Variants in ANK3 observed in about 807,000 individuals in gnomAD.
The protein encoded by ANK3 is ankyrin 3, also known as ankyrin-3.
Under a neutral mutation model 370.9 loss-of-function variants are expected in ANK3, and 57 were observed. That is an observed-to-expected ratio of 0.15 (90% CI 0.12 to 0.19). ANK3 has a LOEUF of 0.19. ANK3 is among the 10% of genes least tolerant of loss of function. ANK3 has a pLI of 1.00. For synonymous variants in ANK3, 1,929 were observed against 1,946.3 expected, an observed-to-expected ratio of 0.99 and a Z score of 0.23; for missense variants, 4,439 against 5,302.1, an observed-to-expected ratio of 0.84 and a Z score of 5.06.
At chr10:60,516,564 C>G (rs1014325434) in intron 2 of ANK3, among the ~76,000 whole-genome samples, 1 of 152,038 alleles carries the variant, frequency 6.6e-6, no homozygotes, top group African/African-American at 2.4e-5. Flanking sequence ...AATAATGAGG[C>G]TGCTGTTTTG....
intron 7 of ANK3, among the ~76,000 whole-genome samples, 187 bp from the exon 8 acceptor site, chr10:60,234,973 G>A (rs1379501892): frequency 6.6e-6 from 1 of 152,180 alleles, no homozygotes; most frequent in Non-Finnish European, 1.5e-5. Flanking sequence ...GGAATGAATT[G>A]TAAGGGAATC....
At chr10:60,661,558 A>G (rs1419813458) in intron 1 of ANK3, among the ~76,000 whole-genome samples, 1 of 152,146 alleles carries the variant, frequency 6.6e-6, no homozygotes, top group Non-Finnish European at 1.5e-5. Context: ...TATGGATAGC[A>G]ATTGACTCCA....
intron 2 of ANK3, among the ~76,000 whole-genome samples, chr10:60,593,320 G>T (rs377588312): frequency 6.6e-6 from 1 of 152,064 alleles, no homozygotes; most frequent in African/African-American, 2.4e-5. Context: ...GGGAAGTAAA[G>T]AAATTTGTTT....
In ANK3 at chr10:60,508,050, T is replaced by C. The variant is rs551691732; in HGVS notation, c.96+107136A>G. ...AGAAGTCTAATAATACTGTAGTCTT[T>C]AGGCAACTATTAATTTAGAATGTTT... On this transcript the variant is annotated intron_variant, in intron 2 of 43. Transcript: ENST00000373827. The C allele has an allele frequency of 1.2e-3, 184 of 152,320 alleles. 2 individuals carry two copies. Among genetic ancestry groups the C allele is most frequent in the African/African-American group, 4.2e-3 (176 of 41,588 alleles). 9.4% of individuals were successfully genotyped at this position (152,320 alleles called of 1,614,324 possible).
intron 2 of ANK3, among the ~76,000 whole-genome samples, chr10:60,425,451 T>C (rs76574593): frequency 0.011 from 1,609 of 152,240 alleles, 39 homozygotes; most frequent in African/African-American, 0.037. Flanking sequence ...GTTTAAACAA[T>C]AGATTTCTTG....
chr10:60,209,435 T>A (rs532059267), intron 9 of ANK3, among the ~76,000 whole-genome samples: 4 of 152,258 alleles, frequency 2.6e-5, no homozygotes, highest in Admixed American at 2.6e-4. Context: ...CTAACGGCAT[T>A]ATCCACTCTC....
chr10:60,134,436 T>A, intron 24 of ANK3, 63 bp from the exon 25 acceptor site: 5 of 1,253,734 alleles, frequency 4.0e-6, no homozygotes, highest in Non-Finnish European at 5.6e-6. Flanking sequence ...TAAAAAAAAA[T>A]TAATGCATGC....
chr10:60,406,603 G>A (rs926589727), intron 2 of ANK3, among the ~76,000 whole-genome samples: 2 of 152,184 alleles, frequency 1.3e-5, no homozygotes, highest in African/African-American at 4.8e-5. Context: ...CCTGCTGTGT[G>A]GCCTGGTTCC....
intron 1 of ANK3, among the ~76,000 whole-genome samples, chr10:60,299,296 T>A (rs1389920994): frequency 6.6e-6 from 1 of 152,152 alleles, no homozygotes; most frequent in Non-Finnish European, 1.5e-5. Flanking sequence ...GAAAACTGAA[T>A]CCATTTAAAA....
chr10:60,619,457 G>T (rs1353337057), intron 1 of ANK3, among the ~76,000 whole-genome samples: 1 of 152,120 alleles, frequency 6.6e-6, no homozygotes, highest in Non-Finnish European at 1.5e-5. Flanking sequence ...AAATTTAGTG[G>T]AATACAATTT....
intron 8 of ANK3, among the ~76,000 whole-genome samples, chr10:60,224,305 A>C (rs563619144): frequency 6.6e-6 from 1 of 152,258 alleles, no homozygotes; most frequent in African/African-American, 2.4e-5. Flanking sequence ...CAGAATTCTA[A>C]AGCAACACAA....
intron 1 of ANK3, among the ~76,000 whole-genome samples, chr10:60,293,192 A>T (rs2041821345): frequency 6.6e-6 from 1 of 152,206 alleles, no homozygotes; most frequent in Non-Finnish European, 1.5e-5. Flanking sequence ...TACCAGAGAG[A>T]GTGGCTGCTT....
chr10:60,632,895 AT>A (rs1165552525), intron 1 of ANK3, among the ~76,000 whole-genome samples: 5 of 96,356 alleles, frequency 5.2e-5, no homozygotes, highest in African/African-American at 1.7e-4. Flanking sequence ...AAACAAAAAA[AT>A]AAAAAACAAA....
chr10:60,478,824 T>C (rs1407552687), intron 2 of ANK3, among the ~76,000 whole-genome samples: 2 of 152,104 alleles, frequency 1.3e-5, no homozygotes, highest in Admixed American at 1.3e-4. Context: ...GAAACTTAAT[T>C]TCCTCACATA....
intron 2 of ANK3, among the ~76,000 whole-genome samples, chr10:60,609,217 A>C (rs1050994739): frequency 1.3e-5 from 2 of 152,166 alleles, no homozygotes; most frequent in Non-Finnish European, 2.9e-5. Context: ...AGAAATGAGA[A>C]AATTGAGGAA....
At chr10:60,641,843 C>A (rs1032068169) in intron 1 of ANK3, among the ~76,000 whole-genome samples, 2 of 151,816 alleles carry the variant, frequency 1.3e-5, no homozygotes, top group Non-Finnish European at 2.9e-5. Flanking sequence ...AGTGAACAGG[C>A]AACCTACAAA....
intron 1 of ANK3, among the ~76,000 whole-genome samples, chr10:60,367,876 C>A (rs1032858936): frequency 1.3e-5 from 2 of 152,130 alleles, no homozygotes; most frequent in Non-Finnish European, 2.9e-5. Context: ...TTCTCTTGAT[C>A]CCCAATATTA....
intron 1 of ANK3, among the ~76,000 whole-genome samples, chr10:60,688,016 C>T (rs907788779): frequency 2.6e-5 from 4 of 151,984 alleles, no homozygotes; most frequent in African/African-American, 7.2e-5. Flanking sequence ...TAGTGAAGTT[C>T]ATAGAATCAA....
intron 18 of ANK3, among the ~76,000 whole-genome samples, chr10:60,179,758 G>A (rs2096093023): frequency 6.6e-6 from 1 of 151,888 alleles, no homozygotes; most frequent in Admixed American, 6.6e-5. Context: ...GTGGAGTCCT[G>A]AGACTCGTAC....
Sources: gnomAD v4.1 joint callset for allele counts (sites outside exome capture counted in the v4.1 genomes callset) on GRCh38, gnomAD v4.1.1 for gene constraint, MANE v1.5 for transcripts, NCBI Gene and HGNC (gene_info 2026-07-23, HGNC 2026-07-21) for gene names.